The following DDX24 variants were observed in gnomAD, a reference collection of about 807,000 sequenced individuals.
The protein encoded by DDX24 is ATP-dependent RNA helicase DDX24.
DDX24 carries 24 observed loss-of-function variants against 68.9 expected under a neutral mutation model. The observed-to-expected ratio is 0.35, with a 90% CI of 0.25 to 0.49. The LOEUF (loss-of-function observed/expected upper bound fraction) is 0.49, where lower values mean the gene tolerates loss of function less well. DDX24 is among the 20% of genes least tolerant of loss of function. The probability of loss-of-function intolerance (pLI) is 0.99; values close to 1 mark genes in which losing one functional copy is unlikely to be tolerated. For missense variants in DDX24, 989 were observed against 1,039.0 expected, an observed-to-expected ratio of 0.95 and a Z score of 0.66; for synonymous variants, 395 against 385.2, an observed-to-expected ratio of 1.03 and a Z score of -0.30.
At position 94,048,871 on chromosome 14, in the gene DDX24, C is replaced by G. The variant is rs34896097; in HGVS notation, c.*2320G>C. 6.6e-6 allele frequency: 1 copy of G among 152,274 alleles called. No homozygotes were observed. The highest frequency in any genetic ancestry group is 1.5e-5 in the Non-Finnish European group (1 of 68,060). The allele number at this position is 152,274 out of a possible 1,614,324, so 9.4% of individuals were successfully genotyped here. ...GGCCCTGCTGGATGTGGGCCAAGCC[C>G]TACAGCTTCCCTAGGCAGTAAGTAA... On this transcript the variant is annotated 3_prime_UTR_variant, in exon 9 of 9. Transcript: ENST00000621632.
chr14:94,075,358 T>C lies in DDX24; in HGVS notation c.718+3667A>G, dbSNP rs566267067. Among the ~76,000 whole-genome samples the C allele has an allele frequency of 5.9e-5, 9 of 152,298 alleles. No homozygotes were observed. The South Asian group carries it at 1.4e-3, about 25-fold the overall frequency. On this transcript the variant is annotated intron_variant, in intron 2 of 8. Transcript: ENST00000621632. ...CTCCAGAGAAAGACCCACACCTATA[T>C]GGTCACAGACTTTCAACAAAGATGC...
chr14:94,056,864 G>GA (rs1404757209), intron 6 of DDX24: 1 of 152,208 alleles, frequency 6.6e-6, no homozygotes, highest in Non-Finnish European at 1.5e-5. Context: ...TTTGGTTACA[G>GA]AAGTCTTCTA....
chr14:94,057,741 C>T, intron 6 of DDX24, 81 bp downstream of exon 6: 7 of 1,373,218 alleles, frequency 5.1e-6, no homozygotes, highest in Middle Eastern at 1.8e-4. Flanking sequence ...ACCAACAATT[C>T]CTCCTCCCTC....
chr14:94,078,886 C>T, intron 2 of DDX24, 139 bp downstream of exon 2: 4 of 912,684 alleles, frequency 4.4e-6, no homozygotes, highest in Non-Finnish European at 5.0e-6. Context: ...ACCAGAGGGG[C>T]TGACTTCTAA....
intron 3 of DDX24, among the ~76,000 whole-genome samples, chr14:94,061,539 T>C (rs1397447245): frequency 6.6e-6 from 1 of 152,242 alleles, no homozygotes; most frequent in Non-Finnish European, 1.5e-5. Context: ...GTAAAGGGCT[T>C]AGCAATAGTA....
At chr14:94,062,715 G>GTAGCC (rs1312723952) in intron 2 of DDX24, 94 bp from the exon 3 acceptor site, 1 of 1,453,392 alleles carries the variant, frequency 6.9e-7, no homozygotes, top group Non-Finnish European at 9.1e-7. Flanking sequence ...ATAGAATAAG[G>GTAGCC]TAGCCAAGTG....
At chr14:94,071,312 C>T (rs1022394653) in intron 2 of DDX24, among the ~76,000 whole-genome samples, 1 of 152,194 alleles carries the variant, frequency 6.6e-6, no homozygotes, top group Admixed American at 6.5e-5. Flanking sequence ...GTGATACCAC[C>T]TTACTCCTGC....
In DDX24 at chr14:94,051,327, T is replaced by C. The variant is rs1466587208; in HGVS notation, c.2444A>G (p.Lys815Arg). Residue 815 changes from lysine (K) to arginine (R), a missense_variant, in exon 9 of 9, where the codon AAG becomes AGG. This residue lies in a region of DDX24 where 691 missense variants were observed against 760.0 expected (regional missense o/e 0.91). Coordinates refer to ENST00000621632, the MANE Select transcript of DDX24 (RefSeq NM_020414.4). Reference protein sequence around the residue: ...QKTKYPTQSGKPPLLVSAPSK... With the variant: ...QKTKYPTQSGRPPLLVSAPSK... ...TGGGGCAGACACAAGCAGGGGCGGC[T>C]TGCCAGACTGAGTGGGATACTTGGT... 43 of 1,613,294 alleles carry C rather than the reference T, an allele frequency of 2.7e-5. No individual in the cohort carries two copies. Among genetic ancestry groups the C allele is most frequent in the Non-Finnish European group, 3.3e-5 (39 of 1,179,894 alleles).
Position 94,057,907 on chromosome 14 carries a change from A to G in DDX24, c.1914-10T>C, listed in dbSNP as rs1595374060. On this transcript the variant is annotated splice_polypyrimidine_tract_variant and intron_variant, in intron 5 of 8. Transcript: ENST00000621632. The stretch of plus-strand genomic sequence containing the variant: ...TGCCAAGAGAACACAGCTGGGGTAG[A>G]GAGAGAAAGCTTATTAATAATAACT... The G allele has an allele frequency of 1.2e-6, 2 of 1,612,564 alleles. No homozygotes were observed. The highest frequency in any genetic ancestry group is 2.2e-5 in the South Asian group (2 of 90,806).
At chr14:94,055,444 A>C in intron 6 of DDX24, 1 of 470,032 alleles carries the variant, frequency 2.1e-6, no homozygotes, top group East Asian at 3.1e-5. Flanking sequence ...CAGCCAGACC[A>C]CAGCAGTCAC....
intron 8 of DDX24, chr14:94,051,889 T>C (rs2141419793): frequency 6.2e-6 from 1 of 162,080 alleles, no homozygotes; most frequent in Non-Finnish European, 1.3e-5. Context: ...CCCACCTCCC[T>C]GCCGCCCCAG....
At chr14:94,069,766 G>A (rs1250837673) in intron 2 of DDX24, among the ~76,000 whole-genome samples, 1 of 152,062 alleles carries the variant, frequency 6.6e-6, no homozygotes, top group Non-Finnish European at 1.5e-5. Flanking sequence ...AAAATCACAT[G>A]ATCTCAATAG....
intron 7 of DDX24, among the ~76,000 whole-genome samples, chr14:94,054,465 C>T (rs1405999558): frequency 6.6e-6 from 1 of 152,190 alleles, no homozygotes; most frequent in East Asian, 1.9e-4. Flanking sequence ...CCAGTAATTC[C>T]ATACTGCTCC....
At chr14:94,073,038 A>T (rs1885864547) in intron 2 of DDX24, among the ~76,000 whole-genome samples, 1 of 152,090 alleles carries the variant, frequency 6.6e-6, no homozygotes, top group East Asian at 1.9e-4. Context: ...ACCATTATCA[A>T]TAATCATTAA....
intron 2 of DDX24, among the ~76,000 whole-genome samples, chr14:94,074,638 T>C (rs964958416): frequency 4.6e-5 from 7 of 152,190 alleles, no homozygotes; most frequent in Non-Finnish European, 8.8e-5. Flanking sequence ...ACTAAATGTT[T>C]TCCCCAGAAG....
intron 2 of DDX24, among the ~76,000 whole-genome samples, chr14:94,072,035 A>G (rs1021443005): frequency 2.0e-5 from 3 of 152,242 alleles, no homozygotes; most frequent in Non-Finnish European, 4.4e-5. Flanking sequence ...CACTATGGAA[A>G]ACAGCGTGGA....
chr14:94,071,321 G>C (rs1188376792), intron 2 of DDX24, among the ~76,000 whole-genome samples: 1 of 152,160 alleles, frequency 6.6e-6, no homozygotes, highest in African/African-American at 2.4e-5. Context: ...CCTTACTCCT[G>C]CAAGAATGGC....
At chr14:94,055,647 C>G (rs1469210587) in intron 6 of DDX24, 1 of 165,000 alleles carries the variant, frequency 6.1e-6, no homozygotes, top group East Asian at 1.7e-4. Flanking sequence ...ATCTAGGTAT[C>G]CTTTTCAATA....
intron 2 of DDX24, among the ~76,000 whole-genome samples, chr14:94,070,758 G>A (rs1885811581): frequency 6.6e-6 from 1 of 152,162 alleles, no homozygotes; most frequent in South Asian, 2.1e-4. Flanking sequence ...CTAAAGTGGG[G>A]AAAGGACATT....
Sources: allele counts gnomAD v4.1 joint callset (sites outside exome capture counted in the v4.1 genomes callset), GRCh38; gene constraint gnomAD v4.1.1; regional missense constraint gnomAD v4.1.1; transcripts MANE v1.5; gene names NCBI Gene and HGNC (gene_info 2026-07-23, HGNC 2026-07-21).